Variants in XPO5 observed in about 807,000 individuals in gnomAD.
The protein encoded by XPO5 is exportin-5.
Under a neutral mutation model 160.6 loss-of-function variants are expected in XPO5, and 46 were observed. The ratio of observed to expected loss-of-function variants is 0.29; its 90% CI spans 0.23 to 0.37. The LOEUF (loss-of-function observed/expected upper bound fraction) is 0.37, where lower values mean the gene tolerates loss of function less well. XPO5 is among the 10% of genes least tolerant of loss of function. XPO5 has a pLI of 1.00. For synonymous variants in XPO5, 537 were observed against 519.3 expected, an observed-to-expected ratio of 1.03 and a Z score of -0.46; for missense variants, 1,090 against 1,463.9, an observed-to-expected ratio of 0.74 and a Z score of 4.17.
chr6:43,575,656 G>A (rs1763278687), intron 1 of XPO5, 104 bp downstream of exon 1: 5 of 1,062,174 alleles, frequency 4.7e-6, no homozygotes, highest in Admixed American at 2.3e-5. Context: ...AGGAGGTCCA[G>A]GGGCCGCGTG....
chr6:43,554,425 T>TG (rs1262384830), intron 13 of XPO5, among the ~76,000 whole-genome samples: 1 of 150,820 alleles, frequency 6.6e-6, no homozygotes, highest in East Asian at 1.9e-4. Context: ...TTCTTTTCTT[T>TG]TTTTTTTTTT....
intron 20 of XPO5, among the ~76,000 whole-genome samples, chr6:43,537,170 C>G (rs1400755412): frequency 7.0e-6 from 1 of 142,766 alleles, no homozygotes; most frequent in African/African-American, 2.7e-5. Context: ...GAGAAAGTGT[C>G]TGTGTTGCCC....
intron 8 of XPO5, 77 bp downstream of exon 8, chr6:43,565,583 G>C: frequency 9.3e-7 from 1 of 1,078,896 alleles, no homozygotes; most frequent in African/African-American, 1.7e-5. Flanking sequence ...AAAAAAAAAA[G>C]AACTTCAGAT....
intron 20 of XPO5, 105 bp downstream of exon 20, chr6:43,546,466 C>G: frequency 1.8e-6 from 2 of 1,090,628 alleles, no homozygotes; most frequent in Non-Finnish European, 1.2e-6. Context: ...TAAATCAATC[C>G]CTCATTAATA....
In XPO5 at chr6:43,530,739, C is replaced by A; in HGVS notation, c.2626G>T (p.Ala876Ser). The change falls in exon 23 of 32, where the codon GCC (alanine) becomes TCC (serine). Residue 876 changes from alanine (A) to serine (S), a missense_variant. This residue lies in a region of XPO5 where 810 missense variants were observed against 1,139.0 expected (regional missense o/e 0.71). Transcript: ENST00000265351. ...GGAATATTGTTCAAGTTGACAAAGG[C>A]TGAGCTGAGAAGCTGGGTAGCAAGG... The part of the protein sequence containing the change: ...EDLATQLLSS[A>S]FVNLNNIPDY... The A allele has an allele frequency of 6.2e-7, 1 of 1,613,946 alleles. No individual in the cohort carries two copies. The highest frequency in any genetic ancestry group is 8.5e-7 in the Non-Finnish European group (1 of 1,179,876).
At chr6:43,537,140 C>CTTTT (rs70990198) in intron 20 of XPO5, among the ~76,000 whole-genome samples, 1 of 137,174 alleles carries the variant, frequency 7.3e-6, no homozygotes, top group Non-Finnish European at 1.6e-5. Context: ...ATAATTAAAA[C>CTTTT]TTTTTTTTTT....
chr6:43,558,432 C>T (rs1762230505), intron 12 of XPO5, 69 bp downstream of exon 12: 3 of 1,370,990 alleles, frequency 2.2e-6, no homozygotes, highest in African/African-American at 2.9e-5. Context: ...AAACACCATG[C>T]ACCATGATTC....
intron 19 of XPO5, chr6:43,547,272 C>A: frequency 2.5e-6 from 1 of 405,036 alleles, no homozygotes; most frequent in South Asian, 2.1e-5. Context: ...TAAGCCATCA[C>A]TTAAGACTTT....
chr6:43,538,894 A>T (rs1306189806), intron 20 of XPO5: 10 of 1,251,752 alleles, frequency 8.0e-6, no homozygotes, highest in Non-Finnish European at 1.1e-5. Flanking sequence ...CGAGGTGGTC[A>T]GTGAATTCCT....
intron 7 of XPO5, among the ~76,000 whole-genome samples, chr6:43,566,811 T>TAAAA (rs56147929): frequency 1.5e-4 from 15 of 101,606 alleles, no homozygotes; most frequent in African/African-American, 1.8e-4. Flanking sequence ...CTGTTTCAAT[T>TAAAA]AAAAAAAAAA....
intron 19 of XPO5, 30 bp from the exon 20 acceptor site, chr6:43,546,782 A>C (rs904588559): frequency 2.0e-6 from 3 of 1,495,248 alleles, no homozygotes; most frequent in African/African-American, 2.9e-5. Flanking sequence ...ACAGATAAAT[A>C]TTAAAAGGAA....
At chr6:43,573,346 A>G (rs1289687507) in intron 2 of XPO5, 134 bp downstream of exon 2, 5 of 1,203,516 alleles carry the variant, frequency 4.2e-6, no homozygotes, top group African/African-American at 1.5e-5. Context: ...AGGTTCTGAT[A>G]ACATCTAGGG....
chr6:43,560,891 A>T (rs1439754295), intron 10 of XPO5, 33 bp downstream of exon 10: 1 of 1,564,394 alleles, frequency 6.4e-7, no homozygotes. Flanking sequence ...TCACCTAACT[A>T]AACTTTTGAG....
chr6:43,573,773 T>C (rs374656619), intron 1 of XPO5, among the ~76,000 whole-genome samples, 172 bp from the exon 2 acceptor site: 3 of 149,898 alleles, frequency 2.0e-5, no homozygotes, highest in South Asian at 4.2e-4. Flanking sequence ...GAGACTAGCC[T>C]AGGCAACATG....
At chr6:43,572,468 T>C (rs372644199) in intron 3 of XPO5, 38 bp downstream of exon 3, 1 of 1,608,322 alleles carries the variant, frequency 6.2e-7, no homozygotes, top group Non-Finnish European at 8.5e-7. Flanking sequence ...TTGCCTAAAC[T>C]ACCTTGGAAA....
chr6:43,532,375 C>T (rs832393), intron 21 of XPO5, among the ~76,000 whole-genome samples: 6 of 152,274 alleles, frequency 3.9e-5, no homozygotes, highest in African/African-American at 1.2e-4. Context: ...TGACCACAGC[C>T]GGGCTCAGAC....
In XPO5 at chr6:43,523,297, T is replaced by G. The variant is rs1793311967; in HGVS notation, c.*571A>C. On this transcript the variant is annotated 3_prime_UTR_variant, in exon 32 of 32. Coordinates refer to ENST00000265351, the MANE Select transcript of XPO5 (RefSeq NM_020750.3). ...CCATGGATCCCATCAGGTGACCAGATTCTTGCCCAAAGCAAAGTTGAGAGA... is the reference window on the plus strand; with the variant it reads ...CCATGGATCCCATCAGGTGACCAGAGTCTTGCCCAAAGCAAAGTTGAGAGA... The G allele has an allele frequency of 4.3e-6, 1 of 233,308 alleles. No individual in the cohort carries two copies. Among genetic ancestry groups the G allele is most frequent in the African/African-American group, 2.3e-5 (1 of 44,272 alleles). The allele number at this position is 233,308 out of a possible 1,614,324, so 14.5% of individuals were successfully genotyped here.
At chr6:43,548,733 G>T (rs1186905140) in intron 17 of XPO5, among the ~76,000 whole-genome samples, 4 of 150,256 alleles carry the variant, frequency 2.7e-5, no homozygotes, top group African/African-American at 4.9e-5. Flanking sequence ...TATATATATA[G>T]ATATATATGT....
At position 43,522,785 on chromosome 6, in the gene XPO5, G is replaced by A. The variant is rs1478900054; in HGVS notation, c.*1083C>T. 1 of 436,132 alleles carries A rather than the reference G, an allele frequency of 2.3e-6. No individual in the cohort carries two copies. Among genetic ancestry groups the A allele is most frequent in the Non-Finnish European group, 5.0e-6 (1 of 199,782 alleles). The allele number at this position is 436,132 out of a possible 1,614,324, so 27.0% of individuals were successfully genotyped here. ...ACATGGACACACTGGTTTCTGTATG[G>A]ATTAACTCTGCCTTACGGCCAGTAA... On this transcript the variant is annotated 3_prime_UTR_variant, in exon 32 of 32. Transcript: ENST00000265351.
Sources: allele counts gnomAD v4.1 joint callset (sites outside exome capture counted in the v4.1 genomes callset), GRCh38; gene constraint gnomAD v4.1.1; regional missense constraint gnomAD v4.1.1; transcripts MANE v1.5; gene names NCBI Gene and HGNC (gene_info 2026-07-23, HGNC 2026-07-21).